Variants in STAU2 observed in about 807,000 individuals in gnomAD.
The protein encoded by STAU2 is double-stranded RNA-binding protein Staufen homolog 2.
Under a neutral mutation model 65.9 loss-of-function variants are expected in STAU2, and 20 were observed. The observed-to-expected ratio is 0.30, with a 90% CI of 0.21 to 0.44. The LOEUF is 0.44. Ranked by LOEUF, STAU2 falls within the 20% of genes least tolerant of loss-of-function variation. STAU2 has a pLI of 1.00. For synonymous variants in STAU2, 232 were observed against 233.9 expected (o/e 0.99, Z 0.07); for missense variants, 558 against 683.9 (o/e 0.82, Z 2.05).
chr8:73,497,163 A>G (rs1232689032), intron 13 of STAU2, among the ~76,000 whole-genome samples: 1 of 151,730 alleles, frequency 6.6e-6, no homozygotes, highest in Non-Finnish European at 1.5e-5. Context: ...AACCTCACAG[A>G]AAGTGGATTA....
intron 14 of STAU2, among the ~76,000 whole-genome samples, chr8:73,421,862 A>C (rs1415157808): frequency 6.6e-6 from 1 of 152,142 alleles, no homozygotes; most frequent in East Asian, 1.9e-4. Context: ...TAAACCTAAA[A>C]ATGTTATCTC....
intron 6 of STAU2, among the ~76,000 whole-genome samples, chr8:73,640,603 G>A (rs987169344): frequency 1.3e-5 from 2 of 152,024 alleles, no homozygotes; most frequent in Non-Finnish European, 2.9e-5. Flanking sequence ...TGTTTTTATG[G>A]ACACTGAAAT....
chr8:73,676,293 C>T (rs1391413460), intron 5 of STAU2, among the ~76,000 whole-genome samples: 1 of 152,176 alleles, frequency 6.6e-6, no homozygotes, highest in Non-Finnish European at 1.5e-5. Flanking sequence ...GGTGCCACTA[C>T]ACTGCAGAGG....
rs558837608 is a variant in STAU2, at chr8:73,706,695, G to A, written c.114+2337C>T. 2.0e-5 allele frequency among the ~76,000 whole-genome samples: 3 copies of A among 152,250 alleles called. No individual in the cohort carries two copies. In the South Asian group the frequency reaches 6.2e-4, roughly 32 times the overall value. On this transcript the variant is annotated intron_variant, in intron 4 of 14. Coordinates refer to ENST00000524300, the MANE Select transcript of STAU2 (RefSeq NM_001164380.2). ...ATAAGCAAGCTACAGGCTAAGGGGG[G>A]TGGTGTATCACCAAAGCACCTACAG...
intron 13 of STAU2, among the ~76,000 whole-genome samples, chr8:73,447,228 G>C (rs1442872491): frequency 6.6e-6 from 1 of 152,226 alleles, no homozygotes; most frequent in Non-Finnish European, 1.5e-5. Context: ...ACAGGCATGA[G>C]CCACCGCAAC....
intron 3 of STAU2, among the ~76,000 whole-genome samples, chr8:73,715,800 T>C (rs1447053403): frequency 2.0e-5 from 3 of 152,196 alleles, no homozygotes; most frequent in Admixed American, 2.0e-4. Context: ...TTAAACTACA[T>C]GAATCATGCA....
intron 11 of STAU2, among the ~76,000 whole-genome samples, chr8:73,589,119 T>A (rs1287105679): frequency 2.6e-5 from 4 of 152,140 alleles, no homozygotes; most frequent in Non-Finnish European, 4.4e-5. Context: ...AAAGCATGGG[T>A]AACAGCATAT....
intron 13 of STAU2, among the ~76,000 whole-genome samples, chr8:73,497,644 T>G (rs4737387): frequency 6.6e-6 from 1 of 151,522 alleles, no homozygotes; most frequent in Admixed American, 6.6e-5. Flanking sequence ...ATTACACTTG[T>G]AATAGAACCT....
chr8:73,459,727 C>CGCTG (rs1819247730), intron 13 of STAU2, among the ~76,000 whole-genome samples: 1 of 152,204 alleles, frequency 6.6e-6, no homozygotes, highest in Non-Finnish European at 1.5e-5. Flanking sequence ...ATCACACCCA[C>CGCTG]GCTGTTGTCA....
At chr8:73,479,498 A>ACT (rs1554595281) in intron 13 of STAU2, among the ~76,000 whole-genome samples, 1 of 149,836 alleles carries the variant, frequency 6.7e-6, no homozygotes, top group East Asian at 2.0e-4. Context: ...ACACACACAC[A>ACT]CTCTCATACA....
chr8:73,424,351 C>T (rs1041488609), intron 13 of STAU2, among the ~76,000 whole-genome samples: 1 of 151,936 alleles, frequency 6.6e-6, no homozygotes, highest in Non-Finnish European at 1.5e-5. Flanking sequence ...CAGGCCTGCA[C>T]CACCACACCC....
At chr8:73,647,525 G>C (rs1249590826) in intron 6 of STAU2, among the ~76,000 whole-genome samples, 1 of 151,834 alleles carries the variant, frequency 6.6e-6, no homozygotes, top group Non-Finnish European at 1.5e-5. Context: ...GTGAAGAGAA[G>C]AGTAGTTAAG....
chr8:73,615,427 T>C (rs1812760215), intron 8 of STAU2, among the ~76,000 whole-genome samples: 1 of 152,136 alleles, frequency 6.6e-6, no homozygotes, highest in African/African-American at 2.4e-5. Context: ...AAAATAACTT[T>C]TATAATAAAA....
At chr8:73,730,728 C>CAAAAAAAAAAAAAAAAAAAAAGAAAAAAA (rs60034849) in intron 3 of STAU2, among the ~76,000 whole-genome samples, 1 of 82,698 alleles carries the variant, frequency 1.2e-5, no homozygotes. Context: ...CTACGTCTTT[C>CAAAAAAAAAAAAAAAAAAAAAGAAAAAAA]AAAAAAAAAA....
At chr8:73,546,148 G>GTTTTTTTTTTT (rs1563412799) in intron 13 of STAU2, among the ~76,000 whole-genome samples, 6 of 116,462 alleles carry the variant, frequency 5.2e-5, no homozygotes, top group Non-Finnish European at 6.5e-5. Flanking sequence ...TTTTTTTTTG[G>GTTTTTTTTTTT]TAGAGACAGA....
chr8:73,715,438 A>G (rs1821184571), intron 3 of STAU2, among the ~76,000 whole-genome samples: 1 of 140,774 alleles, frequency 7.1e-6, no homozygotes, highest in Non-Finnish European at 1.5e-5. Context: ...CCTGGGCAAC[A>G]GAGTGAGACT....
intron 4 of STAU2, among the ~76,000 whole-genome samples, chr8:73,708,770 T>C (rs1236963220): frequency 1.3e-5 from 2 of 152,158 alleles, no homozygotes; most frequent in Non-Finnish European, 2.9e-5. Context: ...GAGTTTAAAT[T>C]ACAAAATGGA....
chr8:73,674,010 G>A (rs1279792254), intron 5 of STAU2, among the ~76,000 whole-genome samples: 1 of 149,146 alleles, frequency 6.7e-6, no homozygotes, highest in Non-Finnish European at 1.5e-5. Context: ...AATGTTAAAC[G>A]AAAAAAAGCA....
intron 13 of STAU2, among the ~76,000 whole-genome samples, chr8:73,547,323 C>T (rs1043234617): frequency 2.7e-5 from 4 of 150,322 alleles, no homozygotes; most frequent in African/African-American, 9.7e-5. Context: ...TTATATGCAC[C>T]AGGATTTCTT....
Sources: allele counts gnomAD v4.1 joint callset (sites outside exome capture counted in the v4.1 genomes callset), GRCh38; gene constraint gnomAD v4.1.1; transcripts MANE v1.5; gene names NCBI Gene and HGNC (gene_info 2026-07-23, HGNC 2026-07-21).